The following MEMO1 variants were observed in gnomAD, a reference collection of about 807,000 sequenced individuals.
MEMO1 encodes the protein mediator of cell motility 1.
MEMO1 carries 6 observed loss-of-function variants against 45.2 expected under a neutral mutation model. The ratio of observed to expected loss-of-function variants is 0.13; its 90% CI spans 0.07 to 0.26. The LOEUF (loss-of-function observed/expected upper bound fraction) is 0.26, where lower values mean the gene tolerates loss of function less well. Among genes scored for constraint, MEMO1 ranks in the 10% least tolerant of loss-of-function variants. The pLI, the probability that MEMO1 is intolerant of heterozygous loss-of-function variation, is 1.00. For missense variants in MEMO1, 184 were observed against 370.5 expected (o/e 0.50, Z 4.13); for synonymous variants, 78 against 124.3 (o/e 0.63, Z 2.48).
intron 4 of MEMO1, among the ~76,000 whole-genome samples, chr2:31,930,320 CCT>C (rs1020420405): frequency 6.6e-6 from 1 of 152,054 alleles, no homozygotes; most frequent in Non-Finnish European, 1.5e-5. Flanking sequence ...CCATCATTTG[CCT>C]CTCTTTCTAC....
chr2:31,994,910 G>A lies in MEMO1; in HGVS notation c.61+15277C>T, dbSNP rs181396402. On this transcript the variant is annotated intron_variant, in intron 2 of 9. Coordinates refer to ENST00000404530, the MANE Select transcript of MEMO1 (RefSeq NM_001301833.4). Reference sequence around the variant, plus strand: ...CTGCAGTGAGCTGTGATTGTGCCAAGGCACTCGTGCCTTGCGGTGGGGGTG... The same window carrying A: ...CTGCAGTGAGCTGTGATTGTGCCAAAGCACTCGTGCCTTGCGGTGGGGGTG... Among the ~76,000 whole-genome samples the A allele has an allele frequency of 4.8e-3, 731 of 151,450 alleles. 3 individuals are homozygous for A. The highest frequency in any genetic ancestry group is 8.3e-3 in the Non-Finnish European group (560 of 67,804).
At chr2:32,000,989 C>A (rs1673233082) in intron 2 of MEMO1, among the ~76,000 whole-genome samples, 1 of 150,928 alleles carries the variant, frequency 6.6e-6, no homozygotes, top group Admixed American at 6.6e-5. Flanking sequence ...TATTGAATTG[C>A]TGAATATTAA....
chr2:31,987,903 A>C (rs532926313), intron 2 of MEMO1, among the ~76,000 whole-genome samples: 1 of 152,282 alleles, frequency 6.6e-6, no homozygotes, highest in Admixed American at 6.5e-5. Flanking sequence ...TTTGAGGTGA[A>C]GGACGAAAAA....
intron 2 of MEMO1, among the ~76,000 whole-genome samples, chr2:32,003,210 T>C (rs1399103217): frequency 6.6e-6 from 1 of 152,186 alleles, no homozygotes; most frequent in African/African-American, 2.4e-5. Context: ...TTTCCAGCTA[T>C]AGAACCCTGA....
chr2:31,964,418 C>G (rs1015122675), intron 2 of MEMO1, among the ~76,000 whole-genome samples: 1 of 152,118 alleles, frequency 6.6e-6, no homozygotes, highest in Non-Finnish European at 1.5e-5. Flanking sequence ...CCGAGTAGGC[C>G]GGGTGCGGTG....
intron 4 of MEMO1, among the ~76,000 whole-genome samples, chr2:31,925,712 G>A (rs1172462728): frequency 6.6e-6 from 1 of 152,120 alleles, no homozygotes; most frequent in East Asian, 1.9e-4. Context: ...GCAAAGGTGA[G>A]GGGAGCGTAA....
chr2:31,984,846 T>C (rs1012740143), intron 2 of MEMO1, among the ~76,000 whole-genome samples: 3 of 152,108 alleles, frequency 2.0e-5, no homozygotes, highest in South Asian at 2.1e-4. Flanking sequence ...AGGACATTAG[T>C]GTAAAAACTG....
At chr2:31,919,727 GT>G (rs1410601988) in intron 5 of MEMO1, among the ~76,000 whole-genome samples, 1 of 151,958 alleles carries the variant, frequency 6.6e-6, no homozygotes, top group East Asian at 1.9e-4. Context: ...GGAGGCTGGG[GT>G]AGGAGGATCA....
chr2:31,996,021 T>C (rs536703718), intron 2 of MEMO1, among the ~76,000 whole-genome samples: 1 of 152,124 alleles, frequency 6.6e-6, no homozygotes, highest in African/African-American at 2.4e-5. Context: ...TACCTTTCAA[T>C]AAAGAAGGGC....
intron 2 of MEMO1, among the ~76,000 whole-genome samples, chr2:32,009,788 A>G (rs1353568136): frequency 1.3e-5 from 2 of 152,024 alleles, no homozygotes; most frequent in African/African-American, 2.4e-5. Context: ...GGCGCCGGGC[A>G]CACCGTCCTT....
intron 2 of MEMO1, among the ~76,000 whole-genome samples, chr2:31,988,072 G>C (rs549597055): frequency 6.6e-6 from 1 of 152,158 alleles, no homozygotes; most frequent in Non-Finnish European, 1.5e-5. Context: ...CCAAGATTAA[G>C]TTGGTAAGAG....
intron 3 of MEMO1, among the ~76,000 whole-genome samples, chr2:31,939,330 T>A (rs1311235272): frequency 6.6e-6 from 1 of 152,188 alleles, no homozygotes; most frequent in Non-Finnish European, 1.5e-5. Context: ...AGTCAGCATG[T>A]CACAGAAACA....
chr2:31,955,506 T>C (rs1165133969), intron 2 of MEMO1, among the ~76,000 whole-genome samples: 1 of 152,236 alleles, frequency 6.6e-6, no homozygotes, highest in Non-Finnish European at 1.5e-5. Context: ...TCTTAGACCC[T>C]AGGTGATACT....
intron 2 of MEMO1, among the ~76,000 whole-genome samples, chr2:32,008,057 TA>T (rs1216556316): frequency 6.6e-6 from 1 of 152,238 alleles, no homozygotes; most frequent in African/African-American, 2.4e-5. Context: ...AATAAGAATA[TA>T]CTTAGAATTT....
At chr2:31,923,777 A>T in intron 4 of MEMO1, 2 of 1,511,204 alleles carry the variant, frequency 1.3e-6, no homozygotes, top group Non-Finnish European at 1.8e-6. Flanking sequence ...TTAAAATAAC[A>T]ATCTAAATTC....
At chr2:32,006,834 G>A (rs1200624832) in intron 2 of MEMO1, among the ~76,000 whole-genome samples, 8 of 152,032 alleles carry the variant, frequency 5.3e-5, no homozygotes, top group Middle Eastern at 6.8e-3. Flanking sequence ...GCATGGTGGC[G>A]GGGGCCTGCA....
chr2:31,992,221 T>C (rs560948040), intron 2 of MEMO1, among the ~76,000 whole-genome samples: 10 of 152,344 alleles, frequency 6.6e-5, no homozygotes, highest in Non-Finnish European at 1.3e-4. Flanking sequence ...GGAGGCCAAA[T>C]CTGCTTCACC....
chr2:31,965,292 G>A (rs1668482465), intron 2 of MEMO1, among the ~76,000 whole-genome samples: 1 of 151,626 alleles, frequency 6.6e-6, no homozygotes, highest in Admixed American at 6.6e-5. Flanking sequence ...GGGAAGGGAA[G>A]AAGGGAAGGA....
intron 4 of MEMO1, among the ~76,000 whole-genome samples, chr2:31,921,339 G>C (rs916953828): frequency 5.3e-5 from 8 of 152,130 alleles, no homozygotes; most frequent in African/African-American, 1.9e-4. Context: ...CTAATCTGTG[G>C]TATTTTGTTA....
Sources: gnomAD v4.1 joint callset for allele counts (sites outside exome capture counted in the v4.1 genomes callset) on GRCh38, gnomAD v4.1.1 for gene constraint, MANE v1.5 for transcripts, NCBI Gene and HGNC (gene_info 2026-07-23, HGNC 2026-07-21) for gene names.